Variants in SRGAP2B observed in about 807,000 individuals in gnomAD.
The protein encoded by SRGAP2B is SLIT-ROBO Rho GTPase-activating protein 2B.
In SRGAP2B, 9 loss-of-function variants were observed where a neutral mutation model predicts 22.2. That is an observed-to-expected ratio of 0.41 (90% CI 0.24 to 0.71). The LOEUF (loss-of-function observed/expected upper bound fraction) is 0.71. Ranked by LOEUF, SRGAP2B falls within the 30% of genes least tolerant of loss-of-function variation. The pLI, the probability that SRGAP2B is intolerant of heterozygous loss-of-function variation, is 0.35. For missense variants in SRGAP2B, 114 were observed against 235.8 expected, an observed-to-expected ratio of 0.48 and a Z score of 3.38; for synonymous variants, 36 against 87.4, an observed-to-expected ratio of 0.41 and a Z score of 3.28.
chr1:144,915,730 A>AAAAAG (rs1377537236), intron 4 of SRGAP2B, among the ~76,000 whole-genome samples: 1 of 151,156 alleles, frequency 6.6e-6, no homozygotes, highest in Non-Finnish European at 1.5e-5. Flanking sequence ...CTGTCTCAAA[A>AAAAAG]AAAAGAAAAG....
intron 2 of SRGAP2B, among the ~76,000 whole-genome samples, chr1:145,044,911 G>C (rs12119567): frequency 1.0e-4 from 15 of 150,172 alleles, no homozygotes; most frequent in African/African-American, 3.2e-4. Context: ...GGTAGTAGCA[G>C]ATTTACTAGG....
rs1663085983 is a variant in SRGAP2B, at chr1:144,907,592, AG to A, written c.487-1519del. Among the ~76,000 whole-genome samples the A allele has an allele frequency of 1.3e-5, 2 of 150,116 alleles. 1 individual carries two copies. Among genetic ancestry groups the A allele is most frequent in the African/African-American group, 5.0e-5 (2 of 39,918 alleles). On this transcript the variant is annotated intron_variant, in intron 5 of 9. Coordinates refer to ENST00000612199, the Ensembl canonical transcript of SRGAP2B. ...TCAACCTGGGGCTATTTTGGCCCCC[AG>A]GGGAAATGTGGCAGTGTCTGGAAAT...
exon 4 of SRGAP2B, chr1:144,955,547 C>T (rs1553610138): frequency 1.1e-6 from 1 of 944,620 alleles, no homozygotes; most frequent in African/African-American, 1.8e-5. Flanking sequence ...CCCGCTTCAC[C>T]TGGTTTAAGA....
At chr1:144,969,649 C>G (rs1443178702) in intron 3 of SRGAP2B, among the ~76,000 whole-genome samples, 2 of 150,246 alleles carry the variant, frequency 1.3e-5, no homozygotes, top group Non-Finnish European at 2.9e-5. Context: ...CAAATGGGAT[C>G]TCATAAAACT....
At chr1:144,960,565 A>G (rs1367821379) in intron 3 of SRGAP2B, among the ~76,000 whole-genome samples, 3 of 150,616 alleles carry the variant, frequency 2.0e-5, no homozygotes, top group Non-Finnish European at 2.9e-5. Flanking sequence ...TAAAATATCC[A>G]TGGTGAAGAG....
intron 2 of SRGAP2B, among the ~76,000 whole-genome samples, chr1:145,020,959 C>T (rs1375125011): frequency 2.0e-5 from 3 of 148,714 alleles, no homozygotes; most frequent in Admixed American, 1.3e-4. Context: ...GCCACCATGC[C>T]GGCTAATTTT....
chr1:144,912,054 C>T (rs1663463711), intron 5 of SRGAP2B, among the ~76,000 whole-genome samples: 1 of 148,204 alleles, frequency 6.7e-6, no homozygotes, highest in Admixed American at 6.7e-5. Context: ...AGGTTCAAGC[C>T]ATTCTCCTGC....
At chr1:145,063,793 TG>T (rs1489540820) in intron 2 of SRGAP2B, among the ~76,000 whole-genome samples, 4 of 149,280 alleles carry the variant, frequency 2.7e-5, no homozygotes, top group African/African-American at 1.0e-4. Context: ...AAGTGGAAAA[TG>T]GGAACTGTCA....
chr1:144,924,452 T>C (rs1204195878), intron 4 of SRGAP2B, among the ~76,000 whole-genome samples: 1 of 147,770 alleles, frequency 6.8e-6, no homozygotes, highest in Non-Finnish European at 1.5e-5. Context: ...GAAAAGAATG[T>C]GTATCTGGCC....
intron 2 of SRGAP2B, among the ~76,000 whole-genome samples, chr1:145,001,815 G>A (rs1671190143): frequency 6.6e-6 from 1 of 150,810 alleles, no homozygotes; most frequent in Admixed American, 6.6e-5. Flanking sequence ...GAGCTCAGGA[G>A]TTCCAGATGA....
In SRGAP2B at chr1:144,952,455, A is replaced by G. The variant is rs1328142065; in HGVS notation, c.423+2984T>C. 9.0e-4 allele frequency among the ~76,000 whole-genome samples: 135 copies of G among 149,680 alleles called. 1 individual carries two copies. Among genetic ancestry groups the G allele is most frequent in the Non-Finnish European group, 1.6e-3 (111 of 67,820 alleles). ...TATGAAGAATGTTTGTTTGCCCATT[A>G]CTAGAAAGCAGAGAGGCTCTTTACC... On this transcript the variant is annotated intron_variant, in intron 4 of 9. Transcript: ENST00000612199.
At chr1:144,975,863 T>G (rs1261352843) in intron 3 of SRGAP2B, among the ~76,000 whole-genome samples, 1 of 108,108 alleles carries the variant, frequency 9.3e-6, no homozygotes, top group African/African-American at 4.0e-5. Context: ...CATGGGTTAG[T>G]AATTCTTTTT....
rs181054822 is a variant in SRGAP2B at position 145,020,669 on chromosome 1, T to C, written c.68-25469A>G. Among the ~76,000 whole-genome samples, 77 of 147,536 alleles carry C rather than the reference T, an allele frequency of 5.2e-4. 4 individuals are homozygous for C. Among genetic ancestry groups the C allele is most frequent in the Admixed American group, 4.7e-3 (71 of 15,112 alleles). Reference sequence around the variant, plus strand: ...ATAAAGCATCTAGAGTAGTGTCTGATACATGATCATCAAAAATACCTGTTG... The same window carrying C: ...ATAAAGCATCTAGAGTAGTGTCTGACACATGATCATCAAAAATACCTGTTG... On this transcript the variant is annotated intron_variant, in intron 2 of 9. Coordinates refer to ENST00000612199, the Ensembl canonical transcript of SRGAP2B.
chr1:145,066,712 G>A (rs1336765549), intron 2 of SRGAP2B, among the ~76,000 whole-genome samples: 9 of 151,776 alleles, frequency 5.9e-5, no homozygotes, highest in African/African-American at 1.9e-4. Context: ...GACGCTGAAC[G>A]CAGCCGCCTG....
At chr1:145,023,593 C>A (rs1647402460) in intron 2 of SRGAP2B, among the ~76,000 whole-genome samples, 2 of 125,232 alleles carry the variant, frequency 1.6e-5, no homozygotes, top group Admixed American at 1.7e-4. Context: ...AAATAAAATT[C>A]AGGAAATGAC....
chr1:144,967,136 C>T (rs1291667801), intron 3 of SRGAP2B, among the ~76,000 whole-genome samples: 4 of 97,092 alleles, frequency 4.1e-5, no homozygotes, highest in Non-Finnish European at 7.9e-5. Context: ...CTGCACCAAG[C>T]GGACCTAATA....
intron 2 of SRGAP2B, among the ~76,000 whole-genome samples, chr1:145,068,932 T>C (rs1423475030): frequency 6.7e-6 from 1 of 148,582 alleles, no homozygotes; most frequent in Non-Finnish European, 1.5e-5. Context: ...TGTGTGTGTG[T>C]GTGTGTGTGT....
At chr1:144,925,791 G>GA (rs1184621300) in intron 4 of SRGAP2B, among the ~76,000 whole-genome samples, 1 of 92,120 alleles carries the variant, frequency 1.1e-5, no homozygotes, top group East Asian at 3.0e-4. Context: ...AAGAAAGAAA[G>GA]AAAGGAGAGA....
intron 2 of SRGAP2B, among the ~76,000 whole-genome samples, chr1:145,009,692 A>T (rs1166770931): frequency 6.9e-6 from 1 of 145,516 alleles, no homozygotes; most frequent in African/African-American, 2.6e-5. Context: ...TATATTTGAA[A>T]TTTTTTATAA....
Sources: allele counts gnomAD v4.1 joint callset (sites outside exome capture counted in the v4.1 genomes callset), GRCh38; gene constraint gnomAD v4.1.1; transcripts MANE v1.5; gene names NCBI Gene and HGNC (gene_info 2026-07-23, HGNC 2026-07-21).